Variants in DAB1 observed in about 807,000 individuals in gnomAD.
DAB1 encodes the protein DAB adaptor protein 1.
Under a neutral mutation model 64.6 loss-of-function variants are expected in DAB1, and 15 were observed. That is an observed-to-expected ratio of 0.23 (90% CI 0.16 to 0.36). The LOEUF (loss-of-function observed/expected upper bound fraction) is 0.36. DAB1 is among the 10% of genes least tolerant of loss of function. DAB1 has a pLI of 1.00. For synonymous variants in DAB1, 235 were observed against 251.9 expected, an observed-to-expected ratio of 0.93 and a Z score of 0.64; for missense variants, 596 against 706.7, an observed-to-expected ratio of 0.84 and a Z score of 1.78.
chr1:57,093,501 A>C (rs1653879677), intron 4 of DAB1, among the ~76,000 whole-genome samples: 1 of 152,206 alleles, frequency 6.6e-6, no homozygotes, highest in Non-Finnish European at 1.5e-5. Flanking sequence ...CATCTAAAAA[A>C]AAAATGGGAA....
intron 1 of DAB1, among the ~76,000 whole-genome samples, chr1:57,337,586 T>C (rs991846570): frequency 2.0e-5 from 3 of 152,216 alleles, no homozygotes; most frequent in Admixed American, 2.0e-4. Flanking sequence ...CACTTTATAA[T>C]GTACCCTGTA....
upstream of DAB1, among the ~76,000 whole-genome samples, chr1:57,427,949 C>T (rs1273874328): frequency 1.3e-5 from 2 of 152,124 alleles, no homozygotes; most frequent in African/African-American, 4.8e-5. Flanking sequence ...AGGTGGAACA[C>T]CTGAGGTCAG....
chr1:58,092,283 A>G (rs1010578936), intron 5 of DAB1, among the ~76,000 whole-genome samples: 1 of 151,818 alleles, frequency 6.6e-6, no homozygotes, highest in Non-Finnish European at 1.5e-5. Flanking sequence ...CAGCGAGTCA[A>G]GATCGCACCA....
rs1365576373 is a variant in DAB1, at chr1:58,225,263, T to C, written n.310-74675A>G. 5.3e-5 allele frequency among the ~76,000 whole-genome samples: 8 copies of C among 152,258 alleles called. No homozygotes were observed. The East Asian group carries it at 1.5e-3, about 29-fold the overall frequency. ...AATGCAAATCAAAACCACAATGAGA[T>C]ACCATCTCACACCAGTTAGAATGGC... is the stretch of plus-strand genomic sequence containing the variant. On this transcript the variant is annotated intron_variant and non_coding_transcript_variant, in intron 4 of 20. Transcript: ENST00000485760.
intron 14 of DAB1, among the ~76,000 whole-genome samples, chr1:57,002,181 C>T (rs1458687673): frequency 6.6e-6 from 1 of 152,154 alleles, no homozygotes; most frequent in Non-Finnish European, 1.5e-5. Flanking sequence ...AAAATCCACC[C>T]TCTAACCTTT....
At chr1:58,300,576 GAAAGAAAGAAA>G (rs1662105013) in intron 4 of DAB1, among the ~76,000 whole-genome samples, 1 of 17,392 alleles carries the variant, frequency 5.7e-5, no homozygotes, top group Non-Finnish European at 1.3e-4. Context: ...AAGAAAGAAA[GAAAGAAAGAAA>G]GAAAGAAAGA....
At chr1:57,141,106 G>GTCTCCAT (rs1307010155) in intron 3 of DAB1, among the ~76,000 whole-genome samples, 5 of 152,126 alleles carry the variant, frequency 3.3e-5, no homozygotes, top group Non-Finnish European at 4.4e-5. Flanking sequence ...AATAAGCCCG[G>GTCTCCAT]TCTCCATTCT....
chr1:57,182,932 A>C (rs371455388), intron 2 of DAB1, among the ~76,000 whole-genome samples: 4 of 152,182 alleles, frequency 2.6e-5, no homozygotes, highest in Admixed American at 2.0e-4. Context: ...AAAAATTTTA[A>C]ATTGATTGTT....
intron 5 of DAB1, among the ~76,000 whole-genome samples, chr1:57,945,081 C>A (rs1206872092): frequency 6.6e-6 from 1 of 152,110 alleles, no homozygotes; most frequent in Admixed American, 6.6e-5. Context: ...TCCCAATCAC[C>A]TTTCTGACAA....
At chr1:57,049,666 T>C (rs1434671865) in intron 9 of DAB1, among the ~76,000 whole-genome samples, 1 of 152,024 alleles carries the variant, frequency 6.6e-6, no homozygotes, top group African/African-American at 2.4e-5. Context: ...CTGCAATGCC[T>C]GCCCCTAGGC....
intron 14 of DAB1, among the ~76,000 whole-genome samples, chr1:57,002,495 T>C (rs1473630685): frequency 6.6e-6 from 1 of 152,140 alleles, no homozygotes; most frequent in Non-Finnish European, 1.5e-5. Flanking sequence ...AATGTGGGGG[T>C]AATTCTGTGA....
chr1:57,853,078 A>T (rs1414264404), intron 1 of DAB1, among the ~76,000 whole-genome samples: 2 of 152,210 alleles, frequency 1.3e-5, no homozygotes, highest in African/African-American at 4.8e-5. Context: ...TTTTTGTCAC[A>T]TAGGGTTAAA....
intron 6 of DAB1, among the ~76,000 whole-genome samples, chr1:57,704,199 A>G (rs1404087362): frequency 6.6e-6 from 1 of 152,226 alleles, no homozygotes; most frequent in Non-Finnish European, 1.5e-5. Flanking sequence ...TAAAAGTTAA[A>G]AAGAAATCCA....
chr1:57,795,346 C>T (rs1203900274), intron 6 of DAB1, among the ~76,000 whole-genome samples: 1 of 151,890 alleles, frequency 6.6e-6, no homozygotes, highest in African/African-American at 2.4e-5. Flanking sequence ...CCTTTTTATA[C>T]CTATTTACAC....
intron 1 of DAB1, among the ~76,000 whole-genome samples, chr1:57,318,670 G>C (rs140001852): frequency 1.4e-5 from 2 of 144,726 alleles, no homozygotes; most frequent in African/African-American, 5.2e-5. Flanking sequence ...CATAGGGCAC[G>C]TTGACTCAAT....
Position 58,449,340 on chromosome 1 carries a change from A to C in DAB1, n.257+56720T>G, listed in dbSNP as rs568943559. Among the ~76,000 whole-genome samples, 85 of 152,318 alleles carry C rather than the reference A, an allele frequency of 5.6e-4. 1 individual carries two copies. Among genetic ancestry groups the C allele is most frequent in the African/African-American group, 2.0e-3 (84 of 41,566 alleles). On this transcript the variant is annotated intron_variant and non_coding_transcript_variant, in intron 3 of 20. Coordinates refer to the DAB1 transcript ENST00000485760. The stretch of plus-strand genomic sequence containing the variant: ...CTTTTTCAGACGCAGCTGCAAAGTC[A>C]GGCTCTGCTGCTTTTTCTGCCCTTC...
At chr1:57,362,792 A>C (rs2100903369) in intron 1 of DAB1, among the ~76,000 whole-genome samples, 1 of 152,214 alleles carries the variant, frequency 6.6e-6, no homozygotes, top group African/African-American at 2.4e-5. Context: ...ATAGATTAAG[A>C]CACCCACCCA....
At chr1:57,651,569 C>T (rs941997959) in intron 6 of DAB1, among the ~76,000 whole-genome samples, 3 of 151,964 alleles carry the variant, frequency 2.0e-5, no homozygotes, top group African/African-American at 7.3e-5. Flanking sequence ...AGTTAGGTAA[C>T]TTTGAACAAT....
At chr1:57,561,632 T>C (rs1050239288) in intron 7 of DAB1, among the ~76,000 whole-genome samples, 3 of 152,168 alleles carry the variant, frequency 2.0e-5, no homozygotes, top group Non-Finnish European at 2.9e-5. Flanking sequence ...ACCTGTTCTG[T>C]GGACACCACT....
Sources: allele counts gnomAD v4.1 joint callset (sites outside exome capture counted in the v4.1 genomes callset), GRCh38; gene constraint gnomAD v4.1.1; transcripts MANE v1.5; gene names NCBI Gene and HGNC (gene_info 2026-07-23, HGNC 2026-07-21).